Variants in KLHL32 observed in about 807,000 individuals in gnomAD.
The protein encoded by KLHL32 is kelch like family member 32.
A neutral mutation model predicts 64.8 loss-of-function variants in KLHL32; 35 were observed. That is an observed-to-expected ratio of 0.54 (90% CI 0.41 to 0.72). The LOEUF (loss-of-function observed/expected upper bound fraction) is 0.72. KLHL32 is among the 30% of genes least tolerant of loss of function. The pLI is 0.00. For synonymous variants in KLHL32, 259 were observed against 281.0 expected (o/e 0.92, Z 0.78); for missense variants, 589 against 768.5 (o/e 0.77, Z 2.76).
the KLHL32 span, among the ~76,000 whole-genome samples, chr6:96,906,565 C>A: frequency 2.6e-5 from 4 of 152,068 alleles, no homozygotes; most frequent in African/African-American, 9.7e-5. Context: ...AGAGAAAGAC[C>A]AGGTAAGGTG....
rs551479192 is a variant in KLHL32, at chr6:96,985,218, G to C, written c.204+9041G>C. Among the ~76,000 whole-genome samples the C allele has an allele frequency of 1.9e-3, 296 of 152,284 alleles. 1 individual carries two copies. Among genetic ancestry groups the C allele is most frequent in the African/African-American group, 7.0e-3 (289 of 41,556 alleles). On this transcript the variant is annotated intron_variant, in intron 3 of 10. Transcript: ENST00000369261. ...ATTGGCCCCCACTCTCTTCTGGCTT[G>C]TAGAGTTTCTGCCAAGAGATCAGCT... is the stretch of plus-strand genomic sequence containing the variant.
In KLHL32 at chr6:97,011,426, T is replaced by C. The variant is rs549775274; in HGVS notation, c.205-30066T>C. 1.4e-4 allele frequency among the ~76,000 whole-genome samples: 21 copies of C among 152,342 alleles called. No individual in the cohort carries two copies. The South Asian group carries it at 4.3e-3, about 32-fold the overall frequency. On this transcript the variant is annotated intron_variant, in intron 3 of 10. Transcript: ENST00000369261. ...AATAGTGATGACAATTATTAATTAC[T>C]AATCACAAGTATGTGTGTGGTGGGA... is the stretch of plus-strand genomic sequence containing the variant.
At chr6:97,014,568 G>T (rs1780880216) in intron 3 of KLHL32, among the ~76,000 whole-genome samples, 1 of 152,124 alleles carries the variant, frequency 6.6e-6, no homozygotes, top group African/African-American at 2.4e-5. Flanking sequence ...GAAGTTTAGA[G>T]AAAAAGAATT....
chr6:96,967,883 A>G (rs916103526), intron 2 of KLHL32, among the ~76,000 whole-genome samples: 8 of 152,206 alleles, frequency 5.3e-5, no homozygotes, highest in African/African-American at 1.9e-4. Flanking sequence ...AGCTTGGCAC[A>G]TTCCAGAAAC....
intron 2 of KLHL32, among the ~76,000 whole-genome samples, chr6:96,970,379 C>G (rs1374372160): frequency 6.6e-6 from 1 of 152,216 alleles, no homozygotes; most frequent in Non-Finnish European, 1.5e-5. Context: ...TCTGTAGACA[C>G]TCTATAAGGG....
chr6:96,981,365 G>GT (rs990043821), intron 3 of KLHL32, among the ~76,000 whole-genome samples: 5 of 151,834 alleles, frequency 3.3e-5, no homozygotes, highest in East Asian at 1.9e-4. Context: ...AGTCTTTGAG[G>GT]TTTTTTTTGT....
chr6:96,901,760 G>A, the KLHL32 span, among the ~76,000 whole-genome samples: 1 of 152,092 alleles, frequency 6.6e-6, no homozygotes, highest in Non-Finnish European at 1.5e-5. Context: ...ACAGGCTCCA[G>A]TGTTTGTTGT....
chr6:97,002,419 G>A (rs1364292500), intron 3 of KLHL32, among the ~76,000 whole-genome samples: 1 of 152,062 alleles, frequency 6.6e-6, no homozygotes. Context: ...TATAGCTTAA[G>A]AGCAAAAACA....
intron 3 of KLHL32, among the ~76,000 whole-genome samples, chr6:97,000,630 A>G (rs1317345164): frequency 6.6e-6 from 1 of 152,198 alleles, no homozygotes; most frequent in African/African-American, 2.4e-5. Flanking sequence ...TACTTGTGCC[A>G]TTTTCTAGAC....
intron 3 of KLHL32, among the ~76,000 whole-genome samples, chr6:97,033,632 A>G (rs2128118940): frequency 6.6e-6 from 1 of 152,240 alleles, no homozygotes; most frequent in Non-Finnish European, 1.5e-5. Flanking sequence ...GTACCAATTT[A>G]CATTACAACC....
At chr6:97,123,080 C>T (rs558555648) in intron 7 of KLHL32, among the ~76,000 whole-genome samples, 2 of 152,296 alleles carry the variant, frequency 1.3e-5, no homozygotes, top group Non-Finnish European at 2.9e-5. Context: ...ACATCTACTC[C>T]TGGAGTTTAC....
intron 3 of KLHL32, among the ~76,000 whole-genome samples, chr6:96,988,666 G>T (rs942550758): frequency 9.2e-5 from 14 of 152,304 alleles, no homozygotes; most frequent in Admixed American, 6.5e-4. Context: ...TATGTTTATT[G>T]CAGCACTATT....
At chr6:96,961,956 G>A (rs1773928935) in intron 1 of KLHL32, among the ~76,000 whole-genome samples, 4 of 152,128 alleles carry the variant, frequency 2.6e-5, no homozygotes, top group Non-Finnish European at 5.9e-5. Context: ...ATAACTATAA[G>A]CACCGTTACT....
At chr6:96,908,484 T>C in the KLHL32 span, among the ~76,000 whole-genome samples, 3 of 152,208 alleles carry the variant, frequency 2.0e-5, no homozygotes, top group South Asian at 2.1e-4. Context: ...TCTGCATTTA[T>C]AGTAGTGAAT....
At chr6:97,050,269 C>T (rs186019372) in intron 4 of KLHL32, among the ~76,000 whole-genome samples, 6 of 152,200 alleles carry the variant, frequency 3.9e-5, no homozygotes, top group African/African-American at 1.4e-4. Context: ...AAATAGAATG[C>T]GCAACCCCCC....
chr6:97,017,740 TG>T (rs1459314916), intron 3 of KLHL32, among the ~76,000 whole-genome samples: 1 of 152,122 alleles, frequency 6.6e-6, no homozygotes, highest in African/African-American at 2.4e-5. Flanking sequence ...TGTATCTAGG[TG>T]GGGCCATATG....
intron 3 of KLHL32, among the ~76,000 whole-genome samples, chr6:97,013,806 G>A (rs1477139861): frequency 6.6e-6 from 1 of 152,178 alleles, no homozygotes; most frequent in Non-Finnish European, 1.5e-5. Context: ...TGGGAGTCAA[G>A]CCAACTTTGC....
chr6:97,095,505 T>G (rs1794858905), intron 6 of KLHL32, among the ~76,000 whole-genome samples: 1 of 152,192 alleles, frequency 6.6e-6, no homozygotes, highest in South Asian at 2.1e-4. Context: ...CTACCCAAAT[T>G]GGCCTGCTTC....
chr6:96,917,634 A>G, the KLHL32 span, among the ~76,000 whole-genome samples: 1 of 152,138 alleles, frequency 6.6e-6, no homozygotes, highest in Non-Finnish European at 1.5e-5. Flanking sequence ...AGGAACTTCA[A>G]CTGGGCCTCC....
Sources: allele counts gnomAD v4.1 joint callset (sites outside exome capture counted in the v4.1 genomes callset), GRCh38; gene constraint gnomAD v4.1.1; transcripts MANE v1.5; gene names NCBI Gene and HGNC (gene_info 2026-07-23, HGNC 2026-07-21).